Variants in KCNMA1 observed in about 807,000 individuals in gnomAD.
KCNMA1 encodes Calcium-activated potassium channel subunit alpha-1.
Under a neutral mutation model 140.0 loss-of-function variants are expected in KCNMA1, and 29 were observed. The ratio of observed to expected loss-of-function variants is 0.21; its 90% CI spans 0.15 to 0.28. The LOEUF (loss-of-function observed/expected upper bound fraction) is 0.28, where lower values mean the gene tolerates loss of function less well. Among genes scored for constraint, KCNMA1 ranks in the 10% least tolerant of loss-of-function variants. The pLI is 1.00. For synonymous variants in KCNMA1, 612 were observed against 611.9 expected (o/e 1.00, Z 0.00); for missense variants, 880 against 1,602.2 (o/e 0.55, Z 7.70).
chr10:77,485,184 C>T (rs2098446372), intron 1 of KCNMA1, among the ~76,000 whole-genome samples: 1 of 152,190 alleles, frequency 6.6e-6, no homozygotes, highest in Non-Finnish European at 1.5e-5. Flanking sequence ...GTGTCCACTC[C>T]CACGTGTGTA....
chr10:77,637,340 G>T lies in KCNMA1; in HGVS notation c.303C>A (p.Gly101=), dbSNP rs1231425920. The part of the protein sequence containing the change: ...LASSMVTFFG[G]LFIILLWRTL... ...TCCGCCAGAGCAAGATGATGAAGAG[G>T]CCCCCGAAGAAAGTCACCATGGAGG... Residue 101 remains glycine (G), a synonymous_variant, in exon 1 of 28, where the codon GGC becomes GGA. Transcript: ENST00000286628. 1.2e-6 allele frequency: 2 copies of T among 1,613,822 alleles called. No individual in the cohort carries two copies. The highest frequency in any genetic ancestry group is 1.7e-6 in the Non-Finnish European group (2 of 1,179,958).
At chr10:77,387,201 C>T (rs1017129156) in intron 2 of KCNMA1, among the ~76,000 whole-genome samples, 2 of 152,196 alleles carry the variant, frequency 1.3e-5, no homozygotes, top group African/African-American at 4.8e-5. Flanking sequence ...GCTCTCCAAA[C>T]ACTAAAGAAA....
intron 9 of KCNMA1, among the ~76,000 whole-genome samples, chr10:77,103,868 A>G (rs2097148949): frequency 6.6e-6 from 1 of 152,168 alleles, no homozygotes; most frequent in South Asian, 2.1e-4. Context: ...AGTGAAGCTC[A>G]TGCCTTTCTC....
chr10:77,114,225 C>A (rs1193668557), intron 6 of KCNMA1, among the ~76,000 whole-genome samples: 1 of 152,158 alleles, frequency 6.6e-6, no homozygotes, highest in Non-Finnish European at 1.5e-5. Flanking sequence ...ATCAACTGGA[C>A]CTTATGACAT....
At chr10:77,217,075 C>A (rs1050362975) in intron 3 of KCNMA1, among the ~76,000 whole-genome samples, 2 of 152,014 alleles carry the variant, frequency 1.3e-5, no homozygotes, top group African/African-American at 4.8e-5. Flanking sequence ...GAGGCTGAGG[C>A]GGGCGGATCA....
intron 23 of KCNMA1, 63 bp from the exon 24 acceptor site, chr10:76,915,112 G>A (rs2052234240): frequency 1.3e-5 from 15 of 1,175,316 alleles, no homozygotes; most frequent in Non-Finnish European, 1.9e-5. Context: ...GAAATAATCA[G>A]AGTACACTAT....
At chr10:77,267,787 C>A (rs1435818806) in intron 2 of KCNMA1, among the ~76,000 whole-genome samples, 1 of 152,168 alleles carries the variant, frequency 6.6e-6, no homozygotes, top group Admixed American at 6.5e-5. Flanking sequence ...TCTAATGTGA[C>A]AATCATCCAA....
chr10:77,328,581 C>T (rs2085101275), intron 2 of KCNMA1, among the ~76,000 whole-genome samples: 1 of 152,164 alleles, frequency 6.6e-6, no homozygotes, highest in Admixed American at 6.5e-5. Context: ...ACACCTTGGC[C>T]CCTGTCCGTG....
chr10:76,889,896 G>A (rs991436877), intron 26 of KCNMA1: 3 of 393,696 alleles, frequency 7.6e-6, no homozygotes, highest in African/African-American at 4.1e-5. Context: ...GGTCTCAGAT[G>A]TATGCTCAGC....
intron 1 of KCNMA1, among the ~76,000 whole-genome samples, chr10:77,623,841 C>T (rs1393480127): frequency 6.6e-6 from 1 of 152,198 alleles, no homozygotes; most frequent in Non-Finnish European, 1.5e-5. Context: ...ATTACCAACA[C>T]CCCAAAGCTA....
chr10:77,497,125 C>T (rs1248358115), intron 1 of KCNMA1, among the ~76,000 whole-genome samples: 1 of 152,236 alleles, frequency 6.6e-6, no homozygotes, highest in Non-Finnish European at 1.5e-5. Context: ...TTGTGTCCTT[C>T]CACTGGCTTT....
intron 1 of KCNMA1, among the ~76,000 whole-genome samples, chr10:77,596,884 G>A (rs1304286948): frequency 6.6e-6 from 1 of 152,180 alleles, no homozygotes; most frequent in Non-Finnish European, 1.5e-5. Context: ...GGATTCCAGG[G>A]ACATCTCTTT....
chr10:77,602,961 C>T (rs1445291879), intron 1 of KCNMA1, among the ~76,000 whole-genome samples: 5 of 152,184 alleles, frequency 3.3e-5, no homozygotes, highest in African/African-American at 9.7e-5. Flanking sequence ...ACAAGAGAGG[C>T]GGCCCTCTTC....
intron 5 of KCNMA1, among the ~76,000 whole-genome samples, chr10:77,124,943 G>A (rs2097701005): frequency 6.6e-6 from 1 of 152,172 alleles, no homozygotes; most frequent in Non-Finnish European, 1.5e-5. Flanking sequence ...CATGGCAGAA[G>A]GGGAAGCAAA....
At chr10:77,367,807 T>A (rs1450477412) in intron 2 of KCNMA1, among the ~76,000 whole-genome samples, 1 of 152,248 alleles carries the variant, frequency 6.6e-6, no homozygotes, top group Non-Finnish European at 1.5e-5. Flanking sequence ...ATATAATATG[T>A]AACCTATTAA....
chr10:77,617,482 C>G (rs924227974), intron 1 of KCNMA1, among the ~76,000 whole-genome samples: 1 of 152,170 alleles, frequency 6.6e-6, no homozygotes, highest in Non-Finnish European at 1.5e-5. Context: ...TCCCTTTATC[C>G]TGAAGGTGTT....
At chr10:77,576,654 C>T (rs2074225144) in intron 1 of KCNMA1, among the ~76,000 whole-genome samples, 1 of 152,172 alleles carries the variant, frequency 6.6e-6, no homozygotes, top group Non-Finnish European at 1.5e-5. Flanking sequence ...AGAAAGCTCA[C>T]CATGGGATTC....
chr10:77,623,702 CAAA>C (rs111575059), intron 1 of KCNMA1, among the ~76,000 whole-genome samples: 2 of 124,144 alleles, frequency 1.6e-5, no homozygotes, highest in Non-Finnish European at 3.5e-5. Context: ...GACTCCGTCT[CAAA>C]AAAAAAAAAA....
At chr10:77,296,225 GAGA>G (rs2075070309) in intron 2 of KCNMA1, among the ~76,000 whole-genome samples, 1 of 152,280 alleles carries the variant, frequency 6.6e-6, no homozygotes, top group Admixed American at 6.5e-5. Flanking sequence ...GTCAGAATCA[GAGA>G]AGAAGATGTG....
Sources: gnomAD v4.1 joint callset for allele counts (sites outside exome capture counted in the v4.1 genomes callset) on GRCh38, gnomAD v4.1.1 for gene constraint, MANE v1.5 for transcripts, NCBI Gene and HGNC (gene_info 2026-07-23, HGNC 2026-07-21) for gene names.